KCNH5: variants seen among roughly 807,000 people sequenced by gnomAD.
KCNH5 encodes the protein potassium voltage-gated channel subfamily H member 5, also known as voltage-gated delayed rectifier potassium channel KCNH5.
Under a neutral mutation model 96.1 loss-of-function variants are expected in KCNH5, and 46 were observed. The observed-to-expected ratio is 0.48, with a 90% confidence interval of 0.38 to 0.61. KCNH5 has a LOEUF of 0.61. Among genes scored for constraint, KCNH5 ranks in the 20% least tolerant of loss-of-function variants. The pLI is 0.00. For missense variants in KCNH5, 907 were observed against 1,225.8 expected, an observed-to-expected ratio of 0.74 and a Z score of 3.88; for synonymous variants, 439 against 449.8, an observed-to-expected ratio of 0.98 and a Z score of 0.30.
chr14:62,737,015 T>C (rs1445192870), intron 10 of KCNH5, among the ~76,000 whole-genome samples: 1 of 152,130 alleles, frequency 6.6e-6, no homozygotes, highest in Admixed American at 6.6e-5. Flanking sequence ...TCATATCCCT[T>C]GGATATCCAT....
chr14:62,749,435 T>C (rs1480956461), intron 10 of KCNH5, among the ~76,000 whole-genome samples: 2 of 152,188 alleles, frequency 1.3e-5, no homozygotes, highest in Admixed American at 1.3e-4. Context: ...TAGGGTCACC[T>C]CCATTTTGAG....
intron 10 of KCNH5, among the ~76,000 whole-genome samples, chr14:62,743,066 G>A (rs1285044345): frequency 1.3e-5 from 2 of 152,012 alleles, no homozygotes; most frequent in African/African-American, 4.8e-5. Context: ...TCAACTACAA[G>A]TGAGTTTTCC....
intron 7 of KCNH5, among the ~76,000 whole-genome samples, chr14:62,856,211 T>C (rs185960334): frequency 5.4e-4 from 82 of 152,330 alleles, no homozygotes; most frequent in Middle Eastern, 3.4e-3. Flanking sequence ...AATAGTGATA[T>C]TCAGGTCTCT....
chr14:62,881,377 T>C (rs1888488744), intron 7 of KCNH5, among the ~76,000 whole-genome samples: 4 of 152,158 alleles, frequency 2.6e-5, no homozygotes, highest in African/African-American at 9.7e-5. Flanking sequence ...CAAGCCATTA[T>C]ATTTTTTCTG....
chr14:62,774,927 G>C (rs1886064820), intron 10 of KCNH5, among the ~76,000 whole-genome samples: 1 of 152,080 alleles, frequency 6.6e-6, no homozygotes, highest in Non-Finnish European at 1.5e-5. Flanking sequence ...TAAAAGAATT[G>C]CTCTAAATGC....
At chr14:62,831,886 T>A (rs1887358267) in intron 8 of KCNH5, among the ~76,000 whole-genome samples, 1 of 152,062 alleles carries the variant, frequency 6.6e-6, no homozygotes, top group Non-Finnish European at 1.5e-5. Flanking sequence ...TTTTTTTTCT[T>A]ATTTTTTGTA....
chr14:62,968,241 A>G (rs1890339727), intron 6 of KCNH5, among the ~76,000 whole-genome samples: 1 of 152,088 alleles, frequency 6.6e-6, no homozygotes, highest in African/African-American at 2.4e-5. Context: ...CCTTTCTCCA[A>G]ATTTTTTCCC....
At chr14:62,990,992 A>G (rs1008806976) in intron 4 of KCNH5, among the ~76,000 whole-genome samples, 2 of 152,056 alleles carry the variant, frequency 1.3e-5, no homozygotes, top group African/African-American at 4.8e-5. Context: ...CCATGATCTA[A>G]TCACCTCCCA....
At chr14:62,925,962 A>C (rs545567023) in intron 7 of KCNH5, among the ~76,000 whole-genome samples, 2 of 152,254 alleles carry the variant, frequency 1.3e-5, no homozygotes, top group Non-Finnish European at 2.9e-5. Flanking sequence ...GGCATAGACA[A>C]GGTATTCTTC....
chr14:62,971,251 C>T (rs1566726290), intron 6 of KCNH5, among the ~76,000 whole-genome samples: 1 of 152,006 alleles, frequency 6.6e-6, no homozygotes, highest in South Asian at 2.1e-4. Flanking sequence ...AATAAAAAAC[C>T]ATAATGCCAT....
At chr14:62,921,438 T>C (rs1167268755) in intron 7 of KCNH5, among the ~76,000 whole-genome samples, 1 of 152,070 alleles carries the variant, frequency 6.6e-6, no homozygotes. Flanking sequence ...CATTAAGTAA[T>C]GGGAAGAAAA....
At chr14:63,031,799 G>C (rs1041345438) in intron 1 of KCNH5, among the ~76,000 whole-genome samples, 1 of 151,970 alleles carries the variant, frequency 6.6e-6, no homozygotes, top group African/African-American at 2.4e-5. Flanking sequence ...ATGATGAATA[G>C]GTTAATTTGC....
chr14:62,802,148 G>A (rs936457481), intron 9 of KCNH5, among the ~76,000 whole-genome samples, 181 bp downstream of exon 9: 10 of 152,292 alleles, frequency 6.6e-5, no homozygotes, highest in South Asian at 2.1e-4. Flanking sequence ...ATTAGGTTGT[G>A]ACTGATACTA....
chr14:62,737,061 A>C (rs886092234), intron 10 of KCNH5, among the ~76,000 whole-genome samples: 2 of 152,126 alleles, frequency 1.3e-5, no homozygotes, highest in African/African-American at 4.8e-5. Context: ...GTCTTTGTTC[A>C]AGCAACAGTT....
chr14:62,774,855 T>G (rs1886062984), intron 10 of KCNH5, among the ~76,000 whole-genome samples: 1 of 152,190 alleles, frequency 6.6e-6, no homozygotes, highest in Non-Finnish European at 1.5e-5. Context: ...CAGTTTAGCT[T>G]CTGACTCTCA....
chr14:62,846,914 C>A (rs1887707748), intron 8 of KCNH5, among the ~76,000 whole-genome samples: 1 of 146,548 alleles, frequency 6.8e-6, no homozygotes. Context: ...CATTCTCCTG[C>A]CTCAGCCTCT....
At chr14:63,035,163 A>T (rs1399991592) in intron 1 of KCNH5, among the ~76,000 whole-genome samples, 1 of 152,250 alleles carries the variant, frequency 6.6e-6, no homozygotes, top group African/African-American at 2.4e-5. Context: ...GGAAAAAAGT[A>T]TATATTTAAT....
intron 8 of KCNH5, among the ~76,000 whole-genome samples, chr14:62,831,887 A>G (rs1887358349): frequency 6.6e-6 from 1 of 151,482 alleles, no homozygotes; most frequent in African/African-American, 2.4e-5. Flanking sequence ...TTTTTTTCTT[A>G]TTTTTTGTAG....
chr14:62,969,843 C>G (rs1340593727), intron 6 of KCNH5, among the ~76,000 whole-genome samples: 5 of 143,312 alleles, frequency 3.5e-5, no homozygotes, highest in Non-Finnish European at 7.5e-5. Context: ...AGGCAGATCA[C>G]CTGATCTCAG....
Sources: allele counts gnomAD v4.1 joint callset (sites outside exome capture counted in the v4.1 genomes callset), GRCh38; gene constraint gnomAD v4.1.1; transcripts MANE v1.5; gene names NCBI Gene and HGNC (gene_info 2026-07-23, HGNC 2026-07-21).